WWOX: variants seen among roughly 807,000 people sequenced by gnomAD.
WWOX encodes WW domain-containing oxidoreductase.
In WWOX, 69 loss-of-function variants were observed where a neutral mutation model predicts 46.2. That is an observed-to-expected ratio of 1.49 (90% CI 1.23 to 1.82). WWOX has a LOEUF of 1.82. Ranked by LOEUF, WWOX falls within the 40% of genes most tolerant of loss-of-function variation. WWOX has a pLI of 0.00. For synonymous variants in WWOX, 359 were observed against 202.6 expected (o/e 1.77, Z -6.56); for missense variants, 919 against 542.6 (o/e 1.69, Z -6.89).
chr16:78,431,412 A>G (rs1163010368), intron 7 of WWOX, among the ~76,000 whole-genome samples: 2 of 152,326 alleles, frequency 1.3e-5, no homozygotes, highest in Admixed American at 6.5e-5. Flanking sequence ...AGACTCATCT[A>G]TAATTTCTTG....
chr16:78,307,070 T>C (rs923547690), intron 5 of WWOX, among the ~76,000 whole-genome samples: 4 of 152,226 alleles, frequency 2.6e-5, no homozygotes, highest in African/African-American at 9.6e-5. Context: ...TTCCAACTTT[T>C]TGAGCCTCTA....
intron 8 of WWOX, among the ~76,000 whole-genome samples, chr16:78,971,360 C>T (rs771623232): frequency 4.2e-5 from 6 of 143,842 alleles, no homozygotes; most frequent in Admixed American, 2.2e-4. Flanking sequence ...AAGGCTGAGG[C>T]GGGAGAATCT....
intron 8 of WWOX, among the ~76,000 whole-genome samples, chr16:79,083,502 T>C (rs572095083): frequency 1.8e-3 from 280 of 152,296 alleles, no homozygotes; most frequent in Non-Finnish European, 2.7e-3. Context: ...GAACCTAGCC[T>C]ATCTCACCTG....
chr16:78,445,008 C>A (rs1023000430), intron 8 of WWOX, among the ~76,000 whole-genome samples: 3 of 150,962 alleles, frequency 2.0e-5, no homozygotes, highest in African/African-American at 7.2e-5. Context: ...TTTCGGATCC[C>A]AGGTTCCAAA....
chr16:78,229,533 A>ATATATAT (rs369604047), intron 5 of WWOX, among the ~76,000 whole-genome samples: 37 of 145,530 alleles, frequency 2.5e-4, no homozygotes, highest in East Asian at 9.9e-4. Flanking sequence ...TATATATATA[A>ATATATAT]AATAATGAAT....
intron 8 of WWOX, among the ~76,000 whole-genome samples, chr16:78,467,978 C>T (rs1244266124): frequency 2.0e-5 from 3 of 152,082 alleles, no homozygotes; most frequent in Non-Finnish European, 4.4e-5. Context: ...GACAAATGGG[C>T]AATCTTGGGG....
intron 8 of WWOX, among the ~76,000 whole-genome samples, chr16:79,011,266 A>G (rs117836587): frequency 0.021 from 3,151 of 151,492 alleles, 59 homozygotes; most frequent in Non-Finnish European, 0.033. Flanking sequence ...ACATTCTTCT[A>G]TGCAACCATT....
chr16:78,557,349 C>A (rs74029557), intron 8 of WWOX, among the ~76,000 whole-genome samples: 3,488 of 152,214 alleles, frequency 0.023, 117 homozygotes, highest in East Asian at 0.069. Context: ...ATTATTTCTC[C>A]GCCCCCCGCA....
intron 8 of WWOX, among the ~76,000 whole-genome samples, chr16:78,646,990 C>G (rs756112108): frequency 6.6e-6 from 1 of 152,286 alleles, no homozygotes; most frequent in African/African-American, 2.4e-5. Context: ...TCAGACTCTG[C>G]TGGGCCCAGA....
chr16:78,249,212 T>C (rs2037913172), intron 5 of WWOX, among the ~76,000 whole-genome samples: 1 of 152,184 alleles, frequency 6.6e-6, no homozygotes, highest in African/African-American at 2.4e-5. Context: ...CCCAAGCTCA[T>C]GGAGTGGTGG....
At chr16:78,743,309 A>G (rs927254815) in intron 8 of WWOX, among the ~76,000 whole-genome samples, 3 of 152,134 alleles carry the variant, frequency 2.0e-5, no homozygotes, top group African/African-American at 4.8e-5. Context: ...TCATTTGCCA[A>G]TCTAGAAAGA....
intron 8 of WWOX, among the ~76,000 whole-genome samples, chr16:78,923,465 T>G (rs1461390166): frequency 6.6e-6 from 1 of 152,172 alleles, no homozygotes; most frequent in South Asian, 2.1e-4. Flanking sequence ...ATATCTAGTT[T>G]ATATTTTGTT....
rs938400722 is a variant in WWOX, at chr16:78,349,172, C to G, written c.517-37688C>G. Among the ~76,000 whole-genome samples, 2 of 120,982 alleles carry G rather than the reference C, an allele frequency of 1.7e-5. 1 individual carries two copies. 79.4% of individuals were successfully genotyped at this position (120,982 alleles called of 152,430 possible). On this transcript the variant is annotated intron_variant, in intron 5 of 8. Transcript: ENST00000566780. ...CCTTCCCACCGTGTTCTCACGTGAC[C>G]TAGCCGCTGTGTGCACGCATCCCTG...
intron 8 of WWOX, among the ~76,000 whole-genome samples, chr16:78,751,743 AAAGG>A (rs1412784106): frequency 5.9e-5 from 9 of 151,478 alleles, no homozygotes; most frequent in Non-Finnish European, 1.2e-4. Flanking sequence ...TGAAAGAAGG[AAAGG>A]AAGGAAGGAA....
intron 8 of WWOX, among the ~76,000 whole-genome samples, chr16:78,679,401 AT>A (rs1448344870): frequency 6.6e-6 from 1 of 152,056 alleles, no homozygotes; most frequent in East Asian, 1.9e-4. Context: ...AAATACAAAA[AT>A]TAGCCAGGCA....
intron 5 of WWOX, among the ~76,000 whole-genome samples, chr16:78,330,868 G>A (rs569128611): frequency 2.0e-5 from 3 of 152,300 alleles, no homozygotes; most frequent in Non-Finnish European, 2.9e-5. Context: ...TTAGATTTTT[G>A]TAAGCTGAGA....
intron 8 of WWOX, among the ~76,000 whole-genome samples, chr16:78,968,071 T>C (rs1443500389): frequency 9.9e-5 from 15 of 150,866 alleles, no homozygotes; most frequent in African/African-American, 1.5e-4. Flanking sequence ...GTGTGTGGTC[T>C]GTATGGCACA....
At chr16:78,664,619 C>T (rs1341889369) in intron 8 of WWOX, among the ~76,000 whole-genome samples, 2 of 152,184 alleles carry the variant, frequency 1.3e-5, no homozygotes, top group African/African-American at 4.8e-5. Flanking sequence ...TTATGATTTT[C>T]CCTTTTCCAG....
intron 1 of WWOX, among the ~76,000 whole-genome samples, chr16:78,104,557 A>G (rs1008418338): frequency 6.6e-6 from 1 of 152,188 alleles, no homozygotes; most frequent in Admixed American, 6.5e-5. Context: ...TTCACATAAT[A>G]TGATGTTCAC....
Sources: gnomAD v4.1 joint callset for allele counts (sites outside exome capture counted in the v4.1 genomes callset) on GRCh38, gnomAD v4.1.1 for gene constraint, MANE v1.5 for transcripts, NCBI Gene and HGNC (gene_info 2026-07-23, HGNC 2026-07-21) for gene names.